Variants in CRB1 observed in about 807,000 individuals in gnomAD.
CRB1 encodes the protein crumbs cell polarity complex component 1.
CRB1 carries 83 observed loss-of-function variants against 120.0 expected under a neutral mutation model. The ratio of observed to expected loss-of-function variants is 0.69; its 90% CI spans 0.58 to 0.83. CRB1 has a LOEUF of 0.83. Ranked by LOEUF, CRB1 falls within the 40% of genes least tolerant of loss-of-function variation. The pLI is 0.00. For synonymous variants in CRB1, 625 were observed against 612.5 expected (o/e 1.02, Z -0.30); for missense variants, 1,699 against 1,687.6 (o/e 1.01, Z -0.12).
At chr1:197,222,484 G>A in the CRB1 span, 10 of 768,862 alleles carry the variant, frequency 1.3e-5, no homozygotes, top group Non-Finnish European at 2.2e-5. Context: ...CCACCAGGCA[G>A]TGTCATTTCA....
chr1:197,443,806 T>A (rs1271993410), intron 11 of CRB1: 3 of 151,908 alleles, frequency 2.0e-5, no homozygotes, highest in Admixed American at 6.6e-5. Context: ...AATAATAATT[T>A]AAAAAAACTT....
chr1:197,328,809 C>T lies in CRB1; in HGVS notation c.458C>T (p.Ala153Val). 6.2e-7 allele frequency: 1 copy of T among 1,614,016 alleles called. No individual in the cohort carries two copies. The highest frequency in any genetic ancestry group is 8.5e-7 in the Non-Finnish European group (1 of 1,179,944). The change falls in exon 2 of 12, where the codon GCT becomes GTT. Residue 153 changes from alanine (A) to valine (V), a missense_variant. Coordinates refer to ENST00000367400, the MANE Select transcript of CRB1 (RefSeq NM_201253.3). ...TGTGAGATAGATCACGATGAGTGTG[C>T]TTCCAGCCCTTGCCAAAATGGGGCC... The part of the protein sequence containing the change: ...RFCEIDHDEC[A>V]SSPCQNGAVC...
At chr1:197,406,913 A>G (rs1663440575) in intron 5 of CRB1, among the ~76,000 whole-genome samples, 1 of 152,300 alleles carries the variant, frequency 6.6e-6, no homozygotes, top group Admixed American at 6.5e-5. Flanking sequence ...GCTTACTCCC[A>G]TTTCACCATG....
chr1:197,378,639 G>A (rs1273916244), intron 5 of CRB1, among the ~76,000 whole-genome samples: 1 of 152,170 alleles, frequency 6.6e-6, no homozygotes, highest in Non-Finnish European at 1.5e-5. Context: ...AAGGAAGAGG[G>A]TCTGAATGAA....
At position 197,274,700 on chromosome 1, in the gene CRB1, C is replaced by T. The variant is rs147721036; in HGVS notation, c.70+6218C>T. ...TCATACAATATGTAGCCTTTCTGGA[C>T]GAGCTTCTTTCACACAGCAATATTT... On this transcript the variant is annotated intron_variant, in intron 1 of 11. Coordinates refer to ENST00000367400, the MANE Select transcript of CRB1 (RefSeq NM_201253.3). 6.8e-3 allele frequency among the ~76,000 whole-genome samples: 1,036 copies of T among 152,172 alleles called. 8 individuals carry two copies. The highest frequency in any genetic ancestry group is 0.023 in the African/African-American group (941 of 41,514).
At chr1:197,224,294 A>G in the CRB1 span, among the ~76,000 whole-genome samples, 1 of 152,176 alleles carries the variant, frequency 6.6e-6, no homozygotes, top group Non-Finnish European at 1.5e-5. Flanking sequence ...AGGTCATAAA[A>G]CACAATTACA....
chr1:197,412,091 G>T (rs964713028), intron 5 of CRB1, among the ~76,000 whole-genome samples: 1 of 152,152 alleles, frequency 6.6e-6, no homozygotes, highest in African/African-American at 2.4e-5. Context: ...TATTCTATAC[G>T]GTGGAACACA....
chr1:197,388,164 G>T (rs1183863039), intron 5 of CRB1, among the ~76,000 whole-genome samples: 1 of 151,960 alleles, frequency 6.6e-6, no homozygotes, highest in Non-Finnish European at 1.5e-5. Flanking sequence ...ATATAACACT[G>T]CAATGAACAT....
intron 11 of CRB1, among the ~76,000 whole-genome samples, chr1:197,460,001 CTT>C (rs10679172): frequency 1.9e-4 from 14 of 75,648 alleles, no homozygotes; most frequent in South Asian, 7.2e-4. Flanking sequence ...AAGCCCCCCT[CTT>C]TTTTTTTTTT....
intron 2 of CRB1, among the ~76,000 whole-genome samples, chr1:197,330,792 A>ACC (rs71750942): frequency 6.6e-6 from 1 of 150,554 alleles, no homozygotes; most frequent in African/African-American, 2.5e-5. Flanking sequence ...ATGTTTTTGC[A>ACC]CCCCCCCCCA....
the CRB1 span, among the ~76,000 whole-genome samples, chr1:197,228,709 G>T: frequency 1.3e-5 from 2 of 152,112 alleles, no homozygotes; most frequent in African/African-American, 4.8e-5. Flanking sequence ...TATCTTTTCA[G>T]CAACGCCCTG....
chr1:197,215,083 A>G, the CRB1 span, among the ~76,000 whole-genome samples: 2 of 152,310 alleles, frequency 1.3e-5, no homozygotes, highest in East Asian at 1.9e-4. Context: ...GATCATTTCA[A>G]TAGAGGCAGA....
the CRB1 span, among the ~76,000 whole-genome samples, chr1:197,224,364 C>A: frequency 1.3e-5 from 2 of 152,240 alleles, no homozygotes; most frequent in Admixed American, 1.3e-4. Context: ...TGCAGAAACA[C>A]ATTAAAGTTT....
chr1:197,433,265 G>A (rs923968475), intron 8 of CRB1, among the ~76,000 whole-genome samples: 3 of 152,054 alleles, frequency 2.0e-5, no homozygotes, highest in African/African-American at 7.2e-5. Flanking sequence ...CTTGACTAAG[G>A]AGTGGTTGTT....
chr1:197,425,254 A>G (rs1664523827), intron 6 of CRB1, among the ~76,000 whole-genome samples: 1 of 152,192 alleles, frequency 6.6e-6, no homozygotes, highest in Non-Finnish European at 1.5e-5. Context: ...CTAACAGTAC[A>G]CTTTTGAAAG....
chr1:197,340,185 T>C (rs897367238), intron 2 of CRB1, among the ~76,000 whole-genome samples: 4 of 152,180 alleles, frequency 2.6e-5, no homozygotes, highest in African/African-American at 9.6e-5. Flanking sequence ...TAAGTAACTA[T>C]AGTTTCCAGA....
intron 2 of CRB1, among the ~76,000 whole-genome samples, chr1:197,335,231 C>G (rs10922198): frequency 0.34 from 51,032 of 152,050 alleles, 10,310 homozygotes; most frequent in East Asian, 0.77. Context: ...TGAGGTCAGA[C>G]TGTTTGGGAC....
rs937310739 is a variant in CRB1 at position 197,420,997 on chromosome 1, C to G, written c.1172-3C>G. On this transcript the variant is annotated splice_polypyrimidine_tract_variant and splice_region_variant and intron_variant, in intron 5 of 11. Coordinates refer to ENST00000367400, the MANE Select transcript of CRB1 (RefSeq NM_201253.3). Reference sequence around the variant, plus strand: ...ATTTTAGCCCTTTTTTATTATTTAACAGGAATCCACTGCGAAGAAGACGTC... The same window carrying G: ...ATTTTAGCCCTTTTTTATTATTTAAGAGGAATCCACTGCGAAGAAGACGTC... 2.0e-6 allele frequency: 3 copies of G among 1,503,706 alleles called. No individual in the cohort carries two copies. Among genetic ancestry groups the G allele is most frequent in the Non-Finnish European group, 2.8e-6 (3 of 1,079,506 alleles). The allele number at this position is 1,503,706 out of a possible 1,614,324, so 93.1% of individuals were successfully genotyped here. A position where few individuals can be genotyped will look rare whatever the true frequency, so the allele number is the denominator to read the frequency against.
chr1:197,252,576 A>ATGTG, the CRB1 span, among the ~76,000 whole-genome samples: 33 of 35,046 alleles, frequency 9.4e-4, no homozygotes, highest in South Asian at 2.5e-3. Context: ...ATATATATAT[A>ATGTG]TATATATGTG....
Sources: gnomAD v4.1 joint callset for allele counts (sites outside exome capture counted in the v4.1 genomes callset) on GRCh38, gnomAD v4.1.1 for gene constraint, MANE v1.5 for transcripts, NCBI Gene and HGNC (gene_info 2026-07-23, HGNC 2026-07-21) for gene names.